The following SLIT3 variants were observed in gnomAD, a reference collection of about 807,000 sequenced individuals.
SLIT3 encodes slit guidance ligand 3.
Under a neutral mutation model 184.0 loss-of-function variants are expected in SLIT3, and 68 were observed. That is an observed-to-expected ratio of 0.37 (90% CI 0.30 to 0.45). The LOEUF is 0.45. Among genes scored for constraint, SLIT3 ranks in the 20% least tolerant of loss-of-function variants. The pLI is 1.00. For synonymous variants in SLIT3, 831 were observed against 828.6 expected (o/e 1.00, Z -0.05); for missense variants, 1,707 against 2,026.0 (o/e 0.84, Z 3.02).
At chr5:168,700,773 T>G in intron 26 of SLIT3, 94 bp from the exon 27 acceptor site, 1 of 908,434 alleles carries the variant, frequency 1.1e-6, no homozygotes. Context: ...TTCTCTGTGA[T>G]GAGGCTGGGG....
chr5:168,870,122 G>C (rs915909236), intron 5 of SLIT3, among the ~76,000 whole-genome samples: 5 of 152,376 alleles, frequency 3.3e-5, no homozygotes, highest in African/African-American at 1.2e-4. Flanking sequence ...TATTGCGGCA[G>C]AGATCTCAGG....
intron 4 of SLIT3, among the ~76,000 whole-genome samples, chr5:169,094,738 C>T (rs1004692402): frequency 6.6e-6 from 1 of 152,208 alleles, no homozygotes; most frequent in Non-Finnish European, 1.5e-5. Flanking sequence ...AGAATCATTG[C>T]TTTAGGATAG....
chr5:168,967,703 G>A (rs148606203), intron 4 of SLIT3, among the ~76,000 whole-genome samples: 3,668 of 140,172 alleles, frequency 0.026, 201 homozygotes, highest in African/African-American at 0.086. Context: ...GCCTCCCAAA[G>A]TGCTGGGATT....
chr5:169,204,739 T>C (rs1468169366), intron 3 of SLIT3, among the ~76,000 whole-genome samples: 3 of 152,110 alleles, frequency 2.0e-5, no homozygotes, highest in Non-Finnish European at 4.4e-5. Context: ...CCACTTCTGT[T>C]TCCTCAGTGA....
intron 33 of SLIT3, among the ~76,000 whole-genome samples, chr5:168,672,908 C>T (rs1316428171): frequency 1.3e-5 from 2 of 152,204 alleles, no homozygotes; most frequent in African/African-American, 2.4e-5. Flanking sequence ...AGCCTAGACC[C>T]TGCTTCCATC....
chr5:168,976,084 C>A (rs924480832), intron 4 of SLIT3, among the ~76,000 whole-genome samples: 33 of 152,186 alleles, frequency 2.2e-4, no homozygotes, highest in Admixed American at 2.2e-3. Flanking sequence ...ATACCAGGAG[C>A]CAGCTGTGAT....
At chr5:169,028,971 G>T (rs56756980) in intron 4 of SLIT3, among the ~76,000 whole-genome samples, 1 of 152,246 alleles carries the variant, frequency 6.6e-6, no homozygotes, top group East Asian at 1.9e-4. Context: ...GTGTTCAGGG[G>T]TCTGGAGGTG....
At chr5:168,764,307 T>C (rs1755257799) in intron 14 of SLIT3, among the ~76,000 whole-genome samples, 1 of 152,206 alleles carries the variant, frequency 6.6e-6, no homozygotes, top group Non-Finnish European at 1.5e-5. Context: ...CCATTTCAAA[T>C]GAATGATCTC....
intron 4 of SLIT3, among the ~76,000 whole-genome samples, chr5:168,913,517 C>T (rs959151577): frequency 1.3e-5 from 2 of 152,012 alleles, no homozygotes; most frequent in African/African-American, 2.4e-5. Context: ...CCTGTAGTAC[C>T]AGCACTTTGG....
intron 5 of SLIT3, among the ~76,000 whole-genome samples, chr5:168,851,747 C>A (rs1758687443): frequency 6.6e-6 from 1 of 152,202 alleles, no homozygotes; most frequent in Non-Finnish European, 1.5e-5. Flanking sequence ...AGGCCAACTG[C>A]GATGGCTGCT....
intron 4 of SLIT3, among the ~76,000 whole-genome samples, chr5:169,066,582 C>T (rs1758354635): frequency 6.6e-6 from 1 of 152,126 alleles, no homozygotes; most frequent in Non-Finnish European, 1.5e-5. Context: ...ATCCTCATAC[C>T]CTGCTAGTGG....
chr5:168,839,065 A>C (rs1758153221), intron 6 of SLIT3, among the ~76,000 whole-genome samples: 1 of 152,098 alleles, frequency 6.6e-6, no homozygotes, highest in Admixed American at 6.5e-5. Flanking sequence ...CATCAAAGGC[A>C]ATTTGGAGAC....
chr5:168,956,576 A>G (rs1762834444), intron 4 of SLIT3, among the ~76,000 whole-genome samples: 1 of 152,146 alleles, frequency 6.6e-6, no homozygotes, highest in South Asian at 2.1e-4. Flanking sequence ...CGGGCAGATC[A>G]GGAGGTCAAG....
intron 4 of SLIT3, among the ~76,000 whole-genome samples, chr5:169,011,139 C>A (rs1171929015): frequency 2.0e-5 from 3 of 152,116 alleles, no homozygotes; most frequent in Non-Finnish European, 1.5e-5. Context: ...TCCAGCTCTG[C>A]TCCTGGACCC....
At chr5:169,182,060 T>C (rs1021451430) in intron 4 of SLIT3, among the ~76,000 whole-genome samples, 1 of 152,170 alleles carries the variant, frequency 6.6e-6, no homozygotes. Flanking sequence ...CAGCAGGATA[T>C]TCCACTTGGC....
intron 20 of SLIT3, among the ~76,000 whole-genome samples, chr5:168,736,843 T>C (rs1183480225): frequency 6.6e-6 from 1 of 152,066 alleles, no homozygotes; most frequent in African/African-American, 2.4e-5. Context: ...TGGGGTCAGA[T>C]GGACCTGGGC....
In SLIT3 at chr5:169,147,460, C is replaced by T. The variant is rs185764896; in HGVS notation, c.413+46019G>A. ...ATTTTTACTACAGACAGGGTTTGATCGTGTTAGCCAGGATGGTCTCAATCT... is the reference window on the plus strand; with the variant it reads ...ATTTTTACTACAGACAGGGTTTGATTGTGTTAGCCAGGATGGTCTCAATCT... On this transcript the variant is annotated intron_variant, in intron 4 of 35. Coordinates refer to ENST00000519560, the MANE Select transcript of SLIT3 (RefSeq NM_003062.4). 9.2e-5 allele frequency among the ~76,000 whole-genome samples: 14 copies of T among 152,188 alleles called. No individual in the cohort carries two copies. The East Asian group carries it at 1.6e-3, about 17-fold the overall frequency.
At chr5:168,906,187 T>C (rs892238164) in intron 4 of SLIT3, among the ~76,000 whole-genome samples, 2 of 152,218 alleles carry the variant, frequency 1.3e-5, no homozygotes, top group African/African-American at 4.8e-5. Context: ...AATCTGAACA[T>C]ACCGTACTAT....
intron 23 of SLIT3, among the ~76,000 whole-genome samples, chr5:168,716,514 CTCT>C (rs1199975362): frequency 1.3e-5 from 2 of 152,264 alleles, no homozygotes; most frequent in Non-Finnish European, 2.9e-5. Flanking sequence ...ATGACTCCTC[CTCT>C]ATGTTTTTGA....
Sources: gnomAD v4.1 joint callset for allele counts (sites outside exome capture counted in the v4.1 genomes callset) on GRCh38, gnomAD v4.1.1 for gene constraint, MANE v1.5 for transcripts, NCBI Gene and HGNC (gene_info 2026-07-23, HGNC 2026-07-21) for gene names.